HADHB: variants seen among roughly 807,000 people sequenced by gnomAD.
HADHB encodes hydroxyacyl-CoA dehydrogenase trifunctional multienzyme complex subunit beta, also known as trifunctional enzyme subunit beta, mitochondrial.
Under a neutral mutation model 61.9 loss-of-function variants are expected in HADHB, and 50 were observed. The ratio of observed to expected loss-of-function variants is 0.81; its 90% CI spans 0.64 to 1.02. HADHB has a LOEUF of 1.02. Ranked by LOEUF, HADHB falls within the 50% of genes least tolerant of loss-of-function variation. HADHB has a pLI of 0.00. For synonymous variants in HADHB, 191 were observed against 201.6 expected (o/e 0.95, Z 0.45); for missense variants, 504 against 586.5 (o/e 0.86, Z 1.45).
At chr2:26,265,648 T>G (rs1574652452) in intron 4 of HADHB, among the ~76,000 whole-genome samples, 1 of 152,264 alleles carries the variant, frequency 6.6e-6, no homozygotes, top group Non-Finnish European at 1.5e-5. Context: ...CTCAACTGTT[T>G]CATTTACTTT....
At chr2:26,252,718 G>A (rs1167190606) in intron 1 of HADHB, among the ~76,000 whole-genome samples, 1 of 152,140 alleles carries the variant, frequency 6.6e-6, no homozygotes, top group Non-Finnish European at 1.5e-5. Context: ...TTGTAGCATG[G>A]TTTACTTACC....
At chr2:26,271,200 T>G (rs1476928106) in intron 5 of HADHB, among the ~76,000 whole-genome samples, 1 of 149,634 alleles carries the variant, frequency 6.7e-6, no homozygotes, top group Non-Finnish European at 1.5e-5. Flanking sequence ...CGGCCGATTC[T>G]TCTCTAGCTT....
chr2:26,252,680 T>C (rs192826687), intron 1 of HADHB, among the ~76,000 whole-genome samples: 1 of 152,376 alleles, frequency 6.6e-6, no homozygotes, highest in East Asian at 1.9e-4. Flanking sequence ...CCTTACCTTT[T>C]ACAGCTGCAT....
intron 3 of HADHB, chr2:26,254,718 A>C: frequency 2.1e-6 from 1 of 479,902 alleles, no homozygotes; most frequent in Non-Finnish European, 3.8e-6. Flanking sequence ...AACCTGCTGG[A>C]GTCATGGAGG....
chr2:26,279,026 A>T, intron 8 of HADHB, 109 bp from the exon 9 acceptor site: 1 of 997,172 alleles, frequency 1.0e-6, no homozygotes, highest in Non-Finnish European at 1.6e-6. Flanking sequence ...TTGATTGATT[A>T]ATGGTAGACA....
Position 26,280,063 on chromosome 2 carries a change from C to G in HADHB, c.881C>G (p.Pro294Arg), listed in dbSNP as rs1558357879. 2.5e-6 allele frequency: 4 copies of G among 1,611,048 alleles called. No homozygotes were observed. The highest frequency in any genetic ancestry group is 3.4e-6 in the Non-Finnish European group (4 of 1,177,660). ...SSLEQMAKLKPAFIKPYGTVT... is the reference protein window; with the variant it reads ...SSLEQMAKLKRAFIKPYGTVT... ...CTGGAGCAGATGGCCAAACTAAAAC[C>G]TGCATTCATCAAGCCCTACGGCACA... is the stretch of plus-strand genomic sequence containing the variant. Residue 294 changes from proline (P) to arginine (R), a missense_variant, in exon 10 of 16, where the codon CCT becomes CGT. Physicochemically the swap from Pro to Arg is moderately radical, Grantham distance 103. Transcript: ENST00000317799.
At chr2:26,276,940 G>A (rs1672551401) in intron 6 of HADHB, 133 bp from the exon 7 acceptor site, 1 of 665,658 alleles carries the variant, frequency 1.5e-6, no homozygotes, top group South Asian at 1.6e-5. Flanking sequence ...GACTTCATTT[G>A]ATTTTAAATA....
chr2:26,282,362 C>T (rs1208220604), intron 10 of HADHB, among the ~76,000 whole-genome samples: 1 of 148,532 alleles, frequency 6.7e-6, no homozygotes, highest in Non-Finnish European at 1.5e-5. Flanking sequence ...TCAAGCAATT[C>T]TCCTGCCTCA....
intron 5 of HADHB, among the ~76,000 whole-genome samples, chr2:26,270,559 GT>G (rs148700980): frequency 1.4e-5 from 2 of 148,128 alleles, no homozygotes; most frequent in East Asian, 2.0e-4. Context: ...CTCTATGTTT[GT>G]TTTTTTTTTC....
chr2:26,278,884 G>A, intron 8 of HADHB, 83 bp downstream of exon 8: 1 of 1,170,970 alleles, frequency 8.5e-7, no homozygotes. Flanking sequence ...GCTGTAATAG[G>A]TGTAGATTCT....
At chr2:26,283,396 C>T (rs374446403) in intron 12 of HADHB, among the ~76,000 whole-genome samples, 7 of 151,988 alleles carry the variant, frequency 4.6e-5, no homozygotes, top group African/African-American at 1.4e-4. Flanking sequence ...TGGTGGCGGG[C>T]GCCTGTAGTC....
chr2:26,271,498 A>C (rs1672346997), intron 5 of HADHB, among the ~76,000 whole-genome samples: 1 of 151,888 alleles, frequency 6.6e-6, no homozygotes, highest in Non-Finnish European at 1.5e-5. Context: ...CAAGAGCAAA[A>C]CTCCGTCTCA....
intron 10 of HADHB, among the ~76,000 whole-genome samples, chr2:26,281,075 A>T (rs1381417517): frequency 6.6e-6 from 1 of 151,884 alleles, no homozygotes; most frequent in Non-Finnish European, 1.5e-5. Flanking sequence ...CACTGACCCC[A>T]ATATTATTTT....
At chr2:26,286,085 T>A (rs1200884507) in intron 15 of HADHB, among the ~76,000 whole-genome samples, 4 of 152,146 alleles carry the variant, frequency 2.6e-5, no homozygotes, top group African/African-American at 9.7e-5. Flanking sequence ...AAACCCAAGC[T>A]ATTTTTCCCC....
intron 1 of HADHB, among the ~76,000 whole-genome samples, chr2:26,250,676 C>T (rs1428739681): frequency 3.4e-5 from 5 of 148,358 alleles, no homozygotes; most frequent in Admixed American, 1.3e-4. Context: ...TTTTAATTAG[C>T]CAGGCATGGT....
In HADHB at chr2:26,254,460, T is replaced by C. The variant is rs779498186; in HGVS notation, c.95T>C (p.Leu32Pro). The C allele has an allele frequency of 1.3e-6, 2 of 1,597,948 alleles. No homozygotes were observed. The highest frequency in any genetic ancestry group is 1.7e-6 in the Non-Finnish European group (2 of 1,165,210). Reference sequence around the variant, plus strand: ...AGACCTCTGAGCTGTTCCTCCCAGCTACGAGCTGCCCCAGGTACAGTAATT... The same window carrying C: ...AGACCTCTGAGCTGTTCCTCCCAGCCACGAGCTGCCCCAGGTACAGTAATT... ...SIRPLSCSSQ[L>P]RAAPAVQTKT... The change falls in exon 3 of 16, where the codon CTA (leucine) becomes CCA (proline). Residue 32 changes from leucine (L) to proline (P), a missense_variant. Coordinates refer to ENST00000317799, the MANE Select transcript of HADHB (RefSeq NM_000183.3).
chr2:26,282,736 T>C, intron 10 of HADHB, 109 bp from the exon 11 acceptor site: 1 of 754,132 alleles, frequency 1.3e-6, no homozygotes, highest in Non-Finnish European at 2.4e-6. Context: ...ATAGAATCAC[T>C]GTATAAGTCT....
intron 3 of HADHB, among the ~76,000 whole-genome samples, chr2:26,256,324 T>A (rs1411584257): frequency 1.3e-5 from 2 of 152,198 alleles, no homozygotes; most frequent in Admixed American, 6.5e-5. Flanking sequence ...GTTTGAAGAT[T>A]GCAGTAATTT....
intron 1 of HADHB, among the ~76,000 whole-genome samples, chr2:26,250,046 G>A (rs1382963360): frequency 2.6e-5 from 4 of 151,948 alleles, no homozygotes; most frequent in Non-Finnish European, 4.4e-5. Context: ...TCGCTCTGTC[G>A]CCCAGGCTGG....
Sources: allele counts gnomAD v4.1 joint callset (sites outside exome capture counted in the v4.1 genomes callset), GRCh38; gene constraint gnomAD v4.1.1; transcripts MANE v1.5; gene names NCBI Gene and HGNC (gene_info 2026-07-23, HGNC 2026-07-21).